The following TBL1XR1 variants were observed in gnomAD, a reference collection of about 807,000 sequenced individuals.
The protein encoded by TBL1XR1 is F-box-like/WD repeat-containing protein TBL1XR1.
TBL1XR1 carries 5 observed loss-of-function variants against 66.9 expected under a neutral mutation model. That is an observed-to-expected ratio of 0.07 (90% CI 0.04 to 0.16). TBL1XR1 has a LOEUF of 0.16. TBL1XR1 is among the 10% of genes least tolerant of loss of function. The pLI, the probability that TBL1XR1 is intolerant of heterozygous loss-of-function variation, is 1.00. For missense variants in TBL1XR1, 238 were observed against 623.2 expected (o/e 0.38, Z 6.58); for synonymous variants, 210 against 206.0 (o/e 1.02, Z -0.17).
At chr3:177,034,637 C>CTAA (rs1441129729) in intron 12 of TBL1XR1, among the ~76,000 whole-genome samples, 1 of 151,880 alleles carries the variant, frequency 6.6e-6, no homozygotes, top group Non-Finnish European at 1.5e-5. Flanking sequence ...AGTTTTTACA[C>CTAA]TGTCCCTTAA....
Position 177,082,875 on chromosome 3 carries a change from C to T in TBL1XR1, c.-46+15591G>A, listed in dbSNP as rs1027921782. On this transcript the variant is annotated intron_variant, in intron 2 of 15. Coordinates refer to ENST00000457928, the MANE Select transcript of TBL1XR1 (RefSeq NM_024665.7). Reference sequence around the variant, plus strand: ...GGTTCACGCCATTCTCCTGCCTCAGCCTCTGGAGTAGCTGGGACTACAGGC... The same window carrying T: ...GGTTCACGCCATTCTCCTGCCTCAGTCTCTGGAGTAGCTGGGACTACAGGC... Among the ~76,000 whole-genome samples, 24 of 150,178 alleles carry T rather than the reference C, an allele frequency of 1.6e-4. 1 individual carries two copies. Among genetic ancestry groups the T allele is most frequent in the Admixed American group, 8.0e-4 (12 of 15,036 alleles).
At chr3:177,081,760 A>G (rs996459042) in intron 2 of TBL1XR1, among the ~76,000 whole-genome samples, 3 of 142,630 alleles carry the variant, frequency 2.1e-5, no homozygotes, top group Non-Finnish European at 4.6e-5. Context: ...AAAAAAAAAA[A>G]GATATTTAAT....
Position 177,088,341 on chromosome 3 carries a change from T to G in TBL1XR1, c.-46+10125A>C, listed in dbSNP as rs1231036890. On this transcript the variant is annotated intron_variant, in intron 2 of 15. Coordinates refer to ENST00000457928, the MANE Select transcript of TBL1XR1 (RefSeq NM_024665.7). ...ACTCTGGTTCATGCACAAAATTATT[T>G]AAAATACTGTATAAAACTGCCCTCA... Among the ~76,000 whole-genome samples the G allele has an allele frequency of 3.3e-5, 5 of 152,166 alleles. No homozygotes were observed. In the East Asian group the frequency reaches 9.6e-4, roughly 29 times the overall value.
At chr3:177,052,426 T>C (rs899829085) in intron 4 of TBL1XR1, among the ~76,000 whole-genome samples, 2 of 152,172 alleles carry the variant, frequency 1.3e-5, no homozygotes, top group Admixed American at 1.3e-4. Context: ...TCTACAGTGT[T>C]ATTGCAGGGT....
chr3:177,071,586 T>G (rs1398043591), intron 2 of TBL1XR1, among the ~76,000 whole-genome samples: 2 of 152,020 alleles, frequency 1.3e-5, no homozygotes, highest in African/African-American at 4.8e-5. Flanking sequence ...ACAGCCCAAG[T>G]ATCAAAGTAT....
At chr3:177,089,340 AGCT>A (rs1405433316) in intron 2 of TBL1XR1, among the ~76,000 whole-genome samples, 1 of 152,148 alleles carries the variant, frequency 6.6e-6, no homozygotes, top group African/African-American at 2.4e-5. Flanking sequence ...GCAGGTCAGG[AGCT>A]GCTGCCCTGC....
chr3:177,109,196 G>T (rs1287956104), intron 1 of TBL1XR1, among the ~76,000 whole-genome samples: 8 of 151,982 alleles, frequency 5.3e-5, no homozygotes, highest in Admixed American at 5.3e-4. Flanking sequence ...ATTTAAAATT[G>T]TCAATTTCAT....
At chr3:177,137,625 C>T (rs1363023430) in intron 1 of TBL1XR1, among the ~76,000 whole-genome samples, 1 of 152,164 alleles carries the variant, frequency 6.6e-6, no homozygotes, top group Non-Finnish European at 1.5e-5. Context: ...GTATCTACTG[C>T]TCCTCCTTCC....
rs191461963 is a variant in TBL1XR1, at chr3:177,111,039, G to A, written c.-121-12498C>T. On this transcript the variant is annotated intron_variant, in intron 1 of 15. Coordinates refer to ENST00000457928, the MANE Select transcript of TBL1XR1 (RefSeq NM_024665.7). ...CCTAAGTAGGCCACACCTGGCATGT[G>A]TTTACAGAGAAAGCTACAGGACAGG... Among the ~76,000 whole-genome samples the A allele has an allele frequency of 2.4e-3, 370 of 152,232 alleles. 3 individuals carry two copies. Among genetic ancestry groups the A allele is most frequent in the Non-Finnish European group, 2.7e-3 (182 of 68,018 alleles).
chr3:177,162,329 T>G lies in TBL1XR1; in HGVS notation c.-122+34792A>C, dbSNP rs537288482. ...ACACAGGTCAATACAGTGGTTACCT[T>G]TGGTGGGCAAGATACTGACTGGAAG... On this transcript the variant is annotated intron_variant, in intron 1 of 15. Transcript: ENST00000457928. Among the ~76,000 whole-genome samples, 44 of 152,306 alleles carry G rather than the reference T, an allele frequency of 2.9e-4. No homozygotes were observed. The South Asian group carries it at 8.3e-3, about 29-fold the overall frequency.
chr3:177,152,062 C>G (rs1730956436), intron 1 of TBL1XR1, among the ~76,000 whole-genome samples: 1 of 152,040 alleles, frequency 6.6e-6, no homozygotes, highest in South Asian at 2.1e-4. Context: ...ACAATTTGTT[C>G]CAAGTTGATT....
chr3:177,124,306 A>G (rs1260853008), intron 1 of TBL1XR1, among the ~76,000 whole-genome samples: 1 of 152,150 alleles, frequency 6.6e-6, no homozygotes, highest in African/African-American at 2.4e-5. Context: ...TAGCATAGTC[A>G]CATGACTAAC....
chr3:177,061,843 C>T lies in TBL1XR1; in HGVS notation c.58+3077G>A, dbSNP rs1260062127. ...CCAAAACAACCCAGACATTACTGTA[C>T]TTGGTGATTCTGAATTAGGACCTAT... On this transcript the variant is annotated intron_variant, in intron 3 of 15. Transcript: ENST00000457928. Among the ~76,000 whole-genome samples, 3 of 152,106 alleles carry T rather than the reference C, an allele frequency of 2.0e-5. No homozygotes were observed. The East Asian group carries it at 5.8e-4, about 29-fold the overall frequency.
chr3:177,057,950 C>T (rs1718010880), intron 3 of TBL1XR1, among the ~76,000 whole-genome samples: 1 of 152,128 alleles, frequency 6.6e-6, no homozygotes, highest in Non-Finnish European at 1.5e-5. Flanking sequence ...ACAAAACAGC[C>T]ATTTTCTATA....
At chr3:177,058,437 T>C (rs980600508) in intron 3 of TBL1XR1, among the ~76,000 whole-genome samples, 1 of 152,194 alleles carries the variant, frequency 6.6e-6, no homozygotes, top group African/African-American at 2.4e-5. Flanking sequence ...TACATGTAAC[T>C]ATGAACATTT....
chr3:177,177,466 A>G (rs1487145710), intron 1 of TBL1XR1, among the ~76,000 whole-genome samples: 1 of 152,174 alleles, frequency 6.6e-6, no homozygotes, highest in Non-Finnish European at 1.5e-5. Context: ...AATAAAAATA[A>G]AAATAAAACA....
chr3:177,100,146 C>T lies in TBL1XR1; in HGVS notation c.-121-1605G>A, dbSNP rs180910694. ...CCTAGCTACTCGGGAGCCTGGGGCACGAGGGTCACTTGAGCCTGGGAGGCA... is the reference window on the plus strand; with the variant it reads ...CCTAGCTACTCGGGAGCCTGGGGCATGAGGGTCACTTGAGCCTGGGAGGCA... On this transcript the variant is annotated intron_variant, in intron 1 of 15. Transcript: ENST00000457928. Among the ~76,000 whole-genome samples the T allele has an allele frequency of 4.2e-3, 635 of 152,014 alleles. 3 individuals are homozygous for T. Among genetic ancestry groups the T allele is most frequent in the African/African-American group, 0.015 (612 of 41,446 alleles).
At position 177,051,566 on chromosome 3, in the gene TBL1XR1, C is replaced by A; in HGVS notation, c.365G>T (p.Gly122Val). The change falls in exon 5 of 16, where the codon GGA (glycine) becomes GTA (valine). Residue 122 changes from glycine to valine, a missense_variant. Physicochemically the swap from Gly to Val is moderately radical, Grantham distance 109. Around this residue, in one of 8 missense-constraint regions of TBL1XR1, gnomAD observed 80 missense variants for 100.5 expected, o/e 0.80. Coordinates refer to ENST00000457928, the MANE Select transcript of TBL1XR1 (RefSeq NM_024665.7). ...AAAAAAASQQ[G>V]SAKNGENTAN... ...TGTGTTTTCTCCATTTTTTGCAGAT[C>A]CTTGTTGGCTGGCTGCAGCTGCGGC... 6.2e-7 allele frequency: 1 copy of A among 1,613,468 alleles called. No homozygotes were observed. The highest frequency in any genetic ancestry group is 8.5e-7 in the Non-Finnish European group (1 of 1,179,698).
At chr3:177,193,248 T>A (rs141337934) in intron 1 of TBL1XR1, among the ~76,000 whole-genome samples, 214 of 150,022 alleles carry the variant, frequency 1.4e-3, no homozygotes, top group African/African-American at 5.1e-3. Flanking sequence ...GAGCCTGAGT[T>A]TGAACTCACT....
Sources: gnomAD v4.1 joint callset for allele counts (sites outside exome capture counted in the v4.1 genomes callset) on GRCh38, gnomAD v4.1.1 for gene constraint, gnomAD v4.1.1 regional missense constraint, MANE v1.5 for transcripts, NCBI Gene and HGNC (gene_info 2026-07-23, HGNC 2026-07-21) for gene names.